GRID2: variants seen among roughly 807,000 people sequenced by gnomAD.
The protein encoded by GRID2 is glutamate receptor ionotropic, delta-2.
In GRID2, 33 loss-of-function variants were observed where a neutral mutation model predicts 114.8. The observed-to-expected ratio is 0.29, with a 90% CI of 0.22 to 0.38. The LOEUF (loss-of-function observed/expected upper bound fraction) is 0.38, where lower values mean the gene tolerates loss of function less well. Ranked by LOEUF, GRID2 falls within the 10% of genes least tolerant of loss-of-function variation. The pLI is 1.00. For missense variants in GRID2, 1,184 were observed against 1,257.7 expected (o/e 0.94, Z 0.89); for synonymous variants, 505 against 449.9 (o/e 1.12, Z -1.55).
At chr4:93,599,054 C>G (rs1277519826) in intron 13 of GRID2, among the ~76,000 whole-genome samples, 1 of 152,130 alleles carries the variant, frequency 6.6e-6, no homozygotes, top group Non-Finnish European at 1.5e-5. Context: ...TTAAACATTG[C>G]CACAAAATTT....
At chr4:92,332,170 GA>G (rs917758023) in intron 1 of GRID2, among the ~76,000 whole-genome samples, 3 of 151,516 alleles carry the variant, frequency 2.0e-5, no homozygotes, top group Middle Eastern at 3.4e-3. Context: ...AGTTTATAAG[GA>G]AAAAAAAATT....
intron 2 of GRID2, among the ~76,000 whole-genome samples, chr4:93,043,932 A>C (rs180764249): frequency 1.3e-5 from 2 of 149,620 alleles, no homozygotes; most frequent in African/African-American, 5.0e-5. Flanking sequence ...TATATATATA[A>C]AAATAAAAAA....
chr4:92,638,634 G>C (rs1731190122), intron 2 of GRID2, among the ~76,000 whole-genome samples: 1 of 149,756 alleles, frequency 6.7e-6, no homozygotes, highest in African/African-American at 2.4e-5. Context: ...TATAAATAGG[G>C]AAATAAGAGT....
chr4:93,517,796 A>G (rs1056061302), intron 13 of GRID2, among the ~76,000 whole-genome samples: 4 of 151,582 alleles, frequency 2.6e-5, no homozygotes, highest in Non-Finnish European at 5.9e-5. Flanking sequence ...ATTGATTTCT[A>G]ATTTATACAG....
chr4:93,136,567 A>T (rs1735268325), intron 4 of GRID2, among the ~76,000 whole-genome samples: 1 of 152,190 alleles, frequency 6.6e-6, no homozygotes, highest in South Asian at 2.1e-4. Context: ...GTTAGCATAT[A>T]GTGTAAATAC....
At chr4:93,500,706 T>A (rs918115953) in intron 12 of GRID2, among the ~76,000 whole-genome samples, 8 of 152,038 alleles carry the variant, frequency 5.3e-5, no homozygotes, top group Non-Finnish European at 7.4e-5. Context: ...CTTGGAAGAA[T>A]GATTCACTCT....
intron 8 of GRID2, among the ~76,000 whole-genome samples, chr4:93,370,964 G>A (rs986200168): frequency 2.6e-5 from 4 of 152,116 alleles, no homozygotes; most frequent in Non-Finnish European, 5.9e-5. Context: ...ACCTATATCT[G>A]TTTTATAATC....
intron 8 of GRID2, among the ~76,000 whole-genome samples, chr4:93,335,715 G>A (rs1759003565): frequency 7.9e-6 from 1 of 127,092 alleles, no homozygotes; most frequent in African/African-American, 4.2e-5. Flanking sequence ...TTGAGACAGG[G>A]TCTCACTCTG....
At chr4:93,171,645 G>A (rs879431051) in intron 4 of GRID2, among the ~76,000 whole-genome samples, 1 of 152,090 alleles carries the variant, frequency 6.6e-6, no homozygotes, top group Non-Finnish European at 1.5e-5. Flanking sequence ...AACCATTCCT[G>A]TTCAGTGGAG....
At chr4:93,700,737 G>A (rs1727436352) in intron 14 of GRID2, among the ~76,000 whole-genome samples, 1 of 152,088 alleles carries the variant, frequency 6.6e-6, no homozygotes, top group East Asian at 1.9e-4. Flanking sequence ...AGGCTGTTTT[G>A]TATTCCTGTG....
chr4:93,259,303 A>T (rs1046382366), intron 8 of GRID2, among the ~76,000 whole-genome samples: 3 of 151,858 alleles, frequency 2.0e-5, no homozygotes, highest in African/African-American at 7.2e-5. Flanking sequence ...GTATTGCTGT[A>T]AATACACAGC....
At chr4:92,317,387 G>A (rs1726049501) in intron 1 of GRID2, among the ~76,000 whole-genome samples, 1 of 152,146 alleles carries the variant, frequency 6.6e-6, no homozygotes, top group Non-Finnish European at 1.5e-5. Flanking sequence ...AATTATATAG[G>A]TGTAATTGAA....
chr4:92,734,564 A>T (rs745984446), intron 2 of GRID2, among the ~76,000 whole-genome samples: 8 of 152,092 alleles, frequency 5.3e-5, no homozygotes, highest in Non-Finnish European at 1.2e-4. Context: ...GATTACAGGC[A>T]TGAACCACCT....
chr4:93,782,924 AACTAAT>A (rs1219102312), intron 1 of GRID2, among the ~76,000 whole-genome samples: 2 of 146,596 alleles, frequency 1.4e-5, no homozygotes, highest in African/African-American at 5.0e-5. Flanking sequence ...CACACACACA[AACTAAT>A]CTATCTTATA....
chr4:92,691,564 T>G (rs1734184365), intron 2 of GRID2, among the ~76,000 whole-genome samples: 1 of 152,230 alleles, frequency 6.6e-6, no homozygotes, highest in African/African-American at 2.4e-5. Flanking sequence ...TCACTGATAC[T>G]CTCTTTGCCC....
intron 2 of GRID2, among the ~76,000 whole-genome samples, chr4:93,036,827 A>G (rs1724977523): frequency 6.6e-6 from 1 of 152,194 alleles, no homozygotes; most frequent in African/African-American, 2.4e-5. Flanking sequence ...GTACTAAAAA[A>G]TAGCGAATTT....
At chr4:92,513,763 C>T (rs1724367355) in intron 1 of GRID2, among the ~76,000 whole-genome samples, 1 of 151,670 alleles carries the variant, frequency 6.6e-6, no homozygotes, top group Admixed American at 6.6e-5. Context: ...AGTCTGTACT[C>T]AGAAATATTT....
chr4:92,653,402 C>G (rs1732072339), intron 2 of GRID2, among the ~76,000 whole-genome samples: 1 of 151,420 alleles, frequency 6.6e-6, no homozygotes, highest in Admixed American at 6.6e-5. Flanking sequence ...TACATACACA[C>G]AAACATTCAC....
chr4:93,140,762 A>G (rs958956896), intron 4 of GRID2, among the ~76,000 whole-genome samples: 6 of 152,240 alleles, frequency 3.9e-5, no homozygotes, highest in South Asian at 4.1e-4. Flanking sequence ...TGAAAGGTCT[A>G]TGCCAATCAA....
Sources: allele counts gnomAD v4.1 joint callset (sites outside exome capture counted in the v4.1 genomes callset), GRCh38; gene constraint gnomAD v4.1.1; transcripts MANE v1.5; gene names NCBI Gene and HGNC (gene_info 2026-07-23, HGNC 2026-07-21).